Variants in YBX1 observed in about 807,000 individuals in gnomAD.
YBX1 encodes the protein Y-box-binding protein 1.
A neutral mutation model predicts 41.4 loss-of-function variants in YBX1; 3 were observed. That is an observed-to-expected ratio of 0.07 (90% CI 0.03 to 0.19). The LOEUF is 0.19. YBX1 is among the 10% of genes least tolerant of loss of function. The pLI is 1.00. For synonymous variants in YBX1, 133 were observed against 165.8 expected, an observed-to-expected ratio of 0.80 and a Z score of 1.52; for missense variants, 274 against 462.8, an observed-to-expected ratio of 0.59 and a Z score of 3.74.
intron 7 of YBX1, 135 bp downstream of exon 7, chr1:42,701,181 A>T: frequency 3.0e-6 from 2 of 671,192 alleles, no homozygotes; most frequent in South Asian, 2.1e-5. Context: ...GTTCTGCCCT[A>T]TTCTTAATTA....
rs181914437 is a variant in YBX1, at chr1:42,702,827, C to G, written c.*878C>G. On this transcript the variant is annotated 3_prime_UTR_variant, in exon 8 of 8. Transcript: ENST00000321358. Reference sequence around the variant, plus strand: ...GCTCCTTATGTCCTAGAGATGGAAACAAGTAATATAAAACCCATGGGAAAG... The same window carrying G: ...GCTCCTTATGTCCTAGAGATGGAAAGAAGTAATATAAAACCCATGGGAAAG... Among the ~76,000 whole-genome samples, 1 of 152,176 alleles carries G rather than the reference C, an allele frequency of 6.6e-6. No homozygotes were observed. The highest frequency in any genetic ancestry group is 1.5e-5 in the Non-Finnish European group (1 of 68,030).
intron 3 of YBX1, among the ~76,000 whole-genome samples, chr1:42,694,198 GGATGAGTACT>G (rs1396698555): frequency 6.6e-6 from 1 of 152,062 alleles, no homozygotes; most frequent in African/African-American, 2.4e-5. Flanking sequence ...TGTTAACATA[GGATGAGTACT>G]GATGAGTACT....
chr1:42,696,658 A>G lies in YBX1; in HGVS notation c.371A>G (p.Asn124Ser). Residue 124 changes from asparagine (N) to serine (S), a missense_variant, in exon 5 of 8, where the codon AAT (asparagine) becomes AGT (serine). Physicochemically the swap from Asn to Ser is conservative, Grantham distance 46 (BLOSUM62 1). This residue lies in a region of YBX1 where 187 missense variants were observed against 306.3 expected (regional missense o/e 0.61). Transcript: ENST00000321358. The surrounding 1 kb of genome is among the most constrained non-coding windows in gnomAD (Gnocchi z 5.7). Reference sequence around the variant, plus strand: ...CTTTTGTAGGGTGCGGAGGCAGCAAATGTTACAGGTCCTGGTGGTGTTCCA... The same window carrying G: ...CTTTTGTAGGGTGCGGAGGCAGCAAGTGTTACAGGTCCTGGTGGTGTTCCA... ...VEGEKGAEAA[N>S]VTGPGGVPVQ... The G allele has an allele frequency of 6.3e-7, 1 of 1,577,908 alleles. No homozygotes were observed. The highest frequency in any genetic ancestry group is 8.6e-7 in the Non-Finnish European group (1 of 1,158,770).
At chr1:42,687,428 C>A (rs1038974391) in intron 2 of YBX1, among the ~76,000 whole-genome samples, 2 of 152,024 alleles carry the variant, frequency 1.3e-5, no homozygotes, top group Non-Finnish European at 2.9e-5. Context: ...GGATTACAGG[C>A]GCCCGCCACC....
In YBX1 at chr1:42,702,990, A is replaced by G. The variant is rs186885261; in HGVS notation, c.*1041A>G. On this transcript the variant is annotated 3_prime_UTR_variant, in exon 8 of 8. Coordinates refer to ENST00000321358, the MANE Select transcript of YBX1 (RefSeq NM_004559.5). ...TCATCAGGCTGGAGTACAGTGGCAC[A>G]ATCTTGGCTCACTGCAACCTCCACC... 1.0e-3 allele frequency among the ~76,000 whole-genome samples: 156 copies of G among 152,250 alleles called. No homozygotes were observed. Among genetic ancestry groups the G allele is most frequent in the Non-Finnish European group, 3.7e-4 (25 of 67,992 alleles).
At position 42,696,511 on chromosome 1, in the gene YBX1, G is replaced by GGC. The variant is rs749693568; in HGVS notation, c.355-131_355-130insGC. ...TGTGCACCCCTGGTCACGCAGTTGC[G>GGC]CCCCCCCCCCCTTTTTTTTCCTTAA... On this transcript the variant is annotated intron_variant, in intron 4 of 7. Coordinates refer to ENST00000321358, the MANE Select transcript of YBX1 (RefSeq NM_004559.5). The surrounding 1 kb of genome is among the most constrained non-coding windows in gnomAD (Gnocchi z 5.7). 4 of 468,946 alleles carry GGC rather than the reference G, an allele frequency of 8.5e-6. No homozygotes were observed. Among genetic ancestry groups the GGC allele is most frequent in the South Asian group, 8.9e-5 (2 of 22,446 alleles). 29.0% of individuals were successfully genotyped at this position (468,946 alleles called of 1,614,324 possible). A position where few individuals can be genotyped will look rare whatever the true frequency, so the allele number is the denominator to read the frequency against.
Position 42,696,582 on chromosome 1 carries a change from G to A in YBX1, c.355-60G>A. On this transcript the variant is annotated intron_variant, in intron 4 of 7. Transcript: ENST00000321358. The surrounding 1 kb of genome is among the most constrained non-coding windows in gnomAD (Gnocchi z 5.7). The stretch of plus-strand genomic sequence containing the variant: ...TTTGAAAATGTTCTGATTTCCTTTT[G>A]AAAGTGTTGAAAGTGTTCTGATTTC... The A allele has an allele frequency of 8.7e-7, 1 of 1,142,904 alleles. No individual in the cohort carries two copies. Among genetic ancestry groups the A allele is most frequent in the Non-Finnish European group, 1.1e-6 (1 of 905,074 alleles). The allele number at this position is 1,142,904 out of a possible 1,614,324, so 70.8% of individuals were successfully genotyped here.
At position 42,701,178 on chromosome 1, in the gene YBX1, C is replaced by G. The variant is rs534048657; in HGVS notation, c.*31+132C>G. The G allele has an allele frequency of 1.4e-5, 10 of 693,376 alleles. No homozygotes were observed. In the South Asian group the frequency reaches 2.0e-4, roughly 14 times the overall value. 43.0% of individuals were successfully genotyped at this position (693,376 alleles called of 1,614,324 possible). On this transcript the variant is annotated intron_variant, in intron 7 of 7. Transcript: ENST00000321358. ...CCATGTTATTTATAATGTGTTCTGC[C>G]CTATTCTTAATTACCTAATATTTCA...
chr1:42,694,915 G>C (rs994667803), intron 3 of YBX1, among the ~76,000 whole-genome samples: 26 of 152,160 alleles, frequency 1.7e-4, no homozygotes, highest in African/African-American at 6.3e-4. Flanking sequence ...CAACCCTTAA[G>C]GGTTGGGGTT....
At position 42,682,618 on chromosome 1, in the gene YBX1, C is replaced by CCGCCCT. The variant is rs1230308145; in HGVS notation, c.55_60dup (p.Ala19_Leu20dup). 1 of 1,431,034 alleles carries CCGCCCT rather than the reference C, an allele frequency of 7.0e-7. No individual in the cohort carries two copies. The highest frequency in any genetic ancestry group is 1.5e-5 in the African/African-American group (1 of 67,064). 88.6% of individuals were successfully genotyped at this position (1,431,034 alleles called of 1,614,324 possible). A position where few individuals can be genotyped will look rare whatever the true frequency, so the allele number is the denominator to read the frequency against. ...CCGCCCGCCGCCCCCCCCGCCGCCC[C>CCGCCCT]CGCCCTCAGCGCCGCCGACACCAAG... is the stretch of plus-strand genomic sequence containing the variant. On this transcript the variant is annotated inframe_insertion, in exon 1 of 8. Coordinates refer to ENST00000321358, the MANE Select transcript of YBX1 (RefSeq NM_004559.5).
intron 2 of YBX1, among the ~76,000 whole-genome samples, chr1:42,689,771 T>G (rs978432385): frequency 6.6e-6 from 1 of 152,208 alleles, no homozygotes; most frequent in Non-Finnish European, 1.5e-5. Flanking sequence ...CCAGGGAAGT[T>G]AAATTTTTTT....
At chr1:42,682,936 T>G (rs1650077901) in intron 1 of YBX1, 1 of 141,588 alleles carries the variant, frequency 7.1e-6, no homozygotes, top group Non-Finnish European at 1.5e-5. Context: ...GCGCCCCCTG[T>G]GGACCCCGCG....
chr1:42,692,920 C>T (rs929345098), intron 2 of YBX1, among the ~76,000 whole-genome samples: 2 of 152,218 alleles, frequency 1.3e-5, no homozygotes, highest in African/African-American at 4.8e-5. Flanking sequence ...CTTCATCAGT[C>T]CTTGTCTGGA....
chr1:42,693,046 A>AG (rs1465115054), intron 2 of YBX1, among the ~76,000 whole-genome samples: 2 of 151,888 alleles, frequency 1.3e-5, no homozygotes, highest in Admixed American at 6.6e-5. Flanking sequence ...GTTGGTGGGG[A>AG]GGGGGGTTCT....
chr1:42,696,579 T>G lies in YBX1; in HGVS notation c.355-63T>G. 7 of 1,276,526 alleles carry G rather than the reference T, an allele frequency of 5.5e-6. No homozygotes were observed. The highest frequency in any genetic ancestry group is 1.8e-5 in the South Asian group (1 of 54,358). 79.1% of individuals were successfully genotyped at this position (1,276,526 alleles called of 1,614,324 possible). On this transcript the variant is annotated intron_variant, in intron 4 of 7. Transcript: ENST00000321358. The surrounding 1 kb of genome is among the most constrained non-coding windows in gnomAD (Gnocchi z 5.7). ...TTGTTTGAAAATGTTCTGATTTCCT[T>G]TTGAAAGTGTTGAAAGTGTTCTGAT...
chr1:42,695,823 C>T (rs568057253), intron 3 of YBX1, among the ~76,000 whole-genome samples: 3 of 152,340 alleles, frequency 2.0e-5, no homozygotes, highest in Admixed American at 6.5e-5. Flanking sequence ...TCTAAACTGA[C>T]GCAGTGTGGG....
rs887807396 is a variant in YBX1, at chr1:42,703,028, C to A, written c.*1079C>A. Among the ~76,000 whole-genome samples the A allele has an allele frequency of 4.6e-5, 7 of 152,116 alleles. No individual in the cohort carries two copies. The highest frequency in any genetic ancestry group is 8.8e-5 in the Non-Finnish European group (6 of 68,006). ...TGCAACCTCCACCTCTAGGTTTAAG[C>A]GATTCTCCTGCCTCGGCCACCTTAG... On this transcript the variant is annotated 3_prime_UTR_variant, in exon 8 of 8. Coordinates refer to ENST00000321358, the MANE Select transcript of YBX1 (RefSeq NM_004559.5).
At chr1:42,693,728 A>G (rs1279374624) in intron 3 of YBX1, among the ~76,000 whole-genome samples, 1 of 152,198 alleles carries the variant, frequency 6.6e-6, no homozygotes, top group African/African-American at 2.4e-5. Context: ...TTCAAATTGG[A>G]ATTTTGTCAA....
At chr1:42,683,284 G>A (rs759581675) in intron 1 of YBX1, 119 bp from the exon 2 acceptor site, 11 of 1,210,944 alleles carry the variant, frequency 9.1e-6, no homozygotes, top group East Asian at 2.3e-5. Flanking sequence ...GCGGTGGAGA[G>A]AAAGGGCTGT....
Sources: allele counts gnomAD v4.1 joint callset (sites outside exome capture counted in the v4.1 genomes callset), GRCh38; gene constraint gnomAD v4.1.1; regional missense constraint gnomAD v4.1.1; non-coding constraint Gnocchi (gnomAD v3.1); transcripts MANE v1.5; gene names NCBI Gene and HGNC (gene_info 2026-07-23, HGNC 2026-07-21).